CPNE4: variants seen among roughly 807,000 people sequenced by gnomAD.
CPNE4 encodes the protein copine 4, also known as copine-4.
Under a neutral mutation model 67.9 loss-of-function variants are expected in CPNE4, and 25 were observed. That is an observed-to-expected ratio of 0.37 (90% CI 0.27 to 0.51). The LOEUF is 0.51. CPNE4 is among the 20% of genes least tolerant of loss of function. The pLI is 0.93. For missense variants in CPNE4, 464 were observed against 690.8 expected, an observed-to-expected ratio of 0.67 and a Z score of 3.68; for synonymous variants, 242 against 244.9, an observed-to-expected ratio of 0.99 and a Z score of 0.11.
intron 7 of CPNE4, among the ~76,000 whole-genome samples, chr3:131,612,672 C>A (rs912258277): frequency 6.6e-6 from 1 of 152,202 alleles, no homozygotes; most frequent in Non-Finnish European, 1.5e-5. Flanking sequence ...TTATCTTCAT[C>A]CATGCAAGAC....
At chr3:131,827,308 C>T (rs2085200055) in intron 2 of CPNE4, among the ~76,000 whole-genome samples, 2 of 150,868 alleles carry the variant, frequency 1.3e-5, no homozygotes, top group Admixed American at 1.3e-4. Context: ...AAAGCTGCCT[C>T]ACTGCACACA....
intron 7 of CPNE4, among the ~76,000 whole-genome samples, chr3:131,634,785 A>C (rs2079332305): frequency 6.6e-6 from 1 of 152,174 alleles, no homozygotes; most frequent in African/African-American, 2.4e-5. Flanking sequence ...TTTAAAAGAG[A>C]CTATCCTAGG....
At chr3:131,801,091 G>C (rs546926607) in intron 2 of CPNE4, among the ~76,000 whole-genome samples, 25 of 152,004 alleles carry the variant, frequency 1.6e-4, no homozygotes, top group Non-Finnish European at 3.5e-4. Context: ...CTGGATTGTG[G>C]TACATAAATA....
At chr3:131,730,377 T>C (rs568482510) in intron 2 of CPNE4, among the ~76,000 whole-genome samples, 7 of 152,306 alleles carry the variant, frequency 4.6e-5, no homozygotes, top group African/African-American at 1.2e-4. Flanking sequence ...AATGATAAAA[T>C]AAAACTGTGT....
chr3:131,765,198 G>T (rs2082980818), intron 2 of CPNE4, among the ~76,000 whole-genome samples: 1 of 152,080 alleles, frequency 6.6e-6, no homozygotes, highest in East Asian at 1.9e-4. Context: ...ATAAGCATTA[G>T]TGGAAAAACT....
At chr3:132,004,940 C>G (rs1291961238) in intron 1 of CPNE4, among the ~76,000 whole-genome samples, 2 of 152,062 alleles carry the variant, frequency 1.3e-5, no homozygotes, top group East Asian at 3.9e-4. Context: ...TTTGGGCTCA[C>G]TTACATCCAT....
intron 7 of CPNE4, among the ~76,000 whole-genome samples, chr3:131,618,474 C>T (rs1206154107): frequency 1.3e-5 from 2 of 152,124 alleles, no homozygotes; most frequent in Non-Finnish European, 2.9e-5. Context: ...GGACACAACT[C>T]ATTTTCTTGC....
chr3:131,656,275 T>C (rs924290932), intron 7 of CPNE4, among the ~76,000 whole-genome samples: 5 of 152,136 alleles, frequency 3.3e-5, no homozygotes, highest in African/African-American at 1.2e-4. Flanking sequence ...CTCTGAGACA[T>C]GACAATGAGG....
upstream of CPNE4, among the ~76,000 whole-genome samples, chr3:132,035,606 T>A (rs1292139400): frequency 6.6e-6 from 1 of 152,212 alleles, no homozygotes; most frequent in Non-Finnish European, 1.5e-5. Context: ...CTGTCTTATG[T>A]AAGGGGTGAC....
chr3:131,979,692 T>C (rs545331665), intron 1 of CPNE4, among the ~76,000 whole-genome samples: 1 of 152,334 alleles, frequency 6.6e-6, no homozygotes, highest in African/African-American at 2.4e-5. Context: ...AATGTTAGTA[T>C]TGAAATGTGA....
intron 1 of CPNE4, among the ~76,000 whole-genome samples, 198 bp from the exon 2 acceptor site, chr3:131,905,642 T>C (rs142640508): frequency 2.0e-5 from 3 of 152,234 alleles, no homozygotes; most frequent in African/African-American, 7.2e-5. Context: ...AAAAAACAGG[T>C]GCTGCTGCAC....
At chr3:131,674,579 T>C (rs2080511021) in intron 6 of CPNE4, among the ~76,000 whole-genome samples, 1 of 151,974 alleles carries the variant, frequency 6.6e-6, no homozygotes, top group Non-Finnish European at 1.5e-5. Context: ...AGTTTATCCA[T>C]TTCTTCCAGG....
At position 131,783,805 on chromosome 3, in the gene CPNE4, A is replaced by G. The variant is rs1050522838; in HGVS notation, c.181-60180T>C. On this transcript the variant is annotated intron_variant, in intron 2 of 15. Coordinates refer to ENST00000429747, the MANE Select transcript of CPNE4 (RefSeq NM_130808.3). ...GAAAGCAAGCTAATGTAATTCAGCA[A>G]GGTCATCTCCTATTGCTTATCCATA... Among the ~76,000 whole-genome samples the G allele has an allele frequency of 2.6e-5, 4 of 152,084 alleles. No individual in the cohort carries two copies. In the South Asian group the frequency reaches 6.2e-4, roughly 24 times the overall value.
intron 7 of CPNE4, among the ~76,000 whole-genome samples, chr3:131,654,359 C>A (rs957931576): frequency 6.6e-6 from 1 of 151,908 alleles, no homozygotes; most frequent in African/African-American, 2.4e-5. Flanking sequence ...AGGTACTAAG[C>A]CTAGTACCAA....
intron 7 of CPNE4, among the ~76,000 whole-genome samples, chr3:131,645,874 A>G (rs1396186156): frequency 6.6e-6 from 1 of 152,200 alleles, no homozygotes; most frequent in Non-Finnish European, 1.5e-5. Flanking sequence ...TTATTTGTCT[A>G]AAGTCACAAA....
chr3:131,617,710 G>C (rs768034666), intron 7 of CPNE4, among the ~76,000 whole-genome samples: 1 of 152,046 alleles, frequency 6.6e-6, no homozygotes, highest in African/African-American at 2.4e-5. Flanking sequence ...TGCTATTATA[G>C]GAATTCTCCT....
intron 7 of CPNE4, among the ~76,000 whole-genome samples, chr3:131,646,214 A>T (rs1393559): frequency 0.14 from 21,435 of 152,170 alleles, 1,819 homozygotes; most frequent in African/African-American, 0.24. Flanking sequence ...AGTTAGGCCA[A>T]AGGATTCTTT....
chr3:131,759,664 T>C (rs2082841389), intron 2 of CPNE4, among the ~76,000 whole-genome samples: 1 of 152,230 alleles, frequency 6.6e-6, no homozygotes, highest in Non-Finnish European at 1.5e-5. Context: ...GTACTGATGT[T>C]GTACTTACCA....
intron 2 of CPNE4, among the ~76,000 whole-genome samples, chr3:131,743,571 A>G (rs927660596): frequency 7.2e-5 from 11 of 152,220 alleles, no homozygotes; most frequent in Non-Finnish European, 1.5e-4. Flanking sequence ...ACTATGATCA[A>G]ATAGTTTATT....
Sources: gnomAD v4.1 joint callset for allele counts (sites outside exome capture counted in the v4.1 genomes callset) on GRCh38, gnomAD v4.1.1 for gene constraint, MANE v1.5 for transcripts, NCBI Gene and HGNC (gene_info 2026-07-23, HGNC 2026-07-21) for gene names.